Variants in FRK observed in about 807,000 individuals in gnomAD.
FRK encodes tyrosine-protein kinase FRK.
In FRK, 51 loss-of-function variants were observed where a neutral mutation model predicts 56.4. The ratio of observed to expected loss-of-function variants is 0.90; its 90% confidence interval spans 0.72 to 1.14. The LOEUF (loss-of-function observed/expected upper bound fraction) is 1.14. Ranked by LOEUF, FRK falls within the 50% of genes most tolerant of loss-of-function variation. FRK has a pLI of 0.00. For missense variants in FRK, 570 were observed against 601.4 expected, an observed-to-expected ratio of 0.95 and a Z score of 0.55; for synonymous variants, 245 against 217.9, an observed-to-expected ratio of 1.12 and a Z score of -1.10.
intron 5 of FRK, among the ~76,000 whole-genome samples, chr6:115,947,291 G>T (rs980309428): frequency 3.3e-5 from 5 of 150,478 alleles, no homozygotes; most frequent in Non-Finnish European, 5.9e-5. Context: ...AGAGTCAAAA[G>T]AATTTTTTAA....
At position 115,944,498 on chromosome 6, in the gene FRK, T is replaced by C. The variant is rs564039556; in HGVS notation, c.959-73A>G. 11 of 1,198,770 alleles carry C rather than the reference T, an allele frequency of 9.2e-6. No individual in the cohort carries two copies. The African/African-American group carries it at 1.5e-4, about 17-fold the overall frequency. The allele number at this position is 1,198,770 out of a possible 1,614,324, so 74.3% of individuals were successfully genotyped here. ...ACTATGAAAGTGAATTCTGAGAATT[T>C]TGAATGTATGAGCTATCAGTGAGAT... On this transcript the variant is annotated intron_variant, in intron 5 of 7. Transcript: ENST00000606080.
chr6:115,968,591 C>T lies in FRK; in HGVS notation c.615G>A (p.Gly205=). 6.2e-7 allele frequency: 1 copy of T among 1,612,294 alleles called. No homozygotes were observed. Among genetic ancestry groups the T allele is most frequent in the Non-Finnish European group, 8.5e-7 (1 of 1,179,308 alleles). The change falls in exon 3 of 8, where the codon GGG becomes GGA. Residue 205 remains glycine, a synonymous_variant. Coordinates refer to ENST00000606080, the MANE Select transcript of FRK (RefSeq NM_002031.3). ...KTSDGLCVKL[G]KPCLKIQVPA... is the part of the protein sequence containing the mutation. Reference sequence around the variant, plus strand: ...GCATTTTCACCTTTAAGCATGGTTTCCCCAGCTTGACACACAGGCCGTCAC... The same window carrying T: ...GCATTTTCACCTTTAAGCATGGTTTTCCCAGCTTGACACACAGGCCGTCAC...
At chr6:116,087,928 C>T in the FRK span, among the ~76,000 whole-genome samples, 2 of 152,164 alleles carry the variant, frequency 1.3e-5, no homozygotes, top group Non-Finnish European at 2.9e-5. Context: ...TCCTTTGTGC[C>T]CAAGGGCCTT....
chr6:116,002,612 CA>C, intron 2 of FRK: 3 of 428,372 alleles, frequency 7.0e-6, no homozygotes, highest in South Asian at 3.2e-5. Flanking sequence ...CTCAAAAAAA[CA>C]AAAAAATGGT....
chr6:115,954,295 G>C (rs1229893135), intron 5 of FRK, among the ~76,000 whole-genome samples: 1 of 152,228 alleles, frequency 6.6e-6, no homozygotes, highest in African/African-American at 2.4e-5. Flanking sequence ...GCCAGGCCAT[G>C]CAGGACTTCA....
chr6:116,002,579 C>G (rs1582700806), intron 2 of FRK: 1 of 381,294 alleles, frequency 2.6e-6, no homozygotes, highest in African/African-American at 2.1e-5. Context: ...GCACTCCAGC[C>G]TAGCCATAGA....
chr6:116,037,122 TCTAATACCCTAC>T (rs2114777161), intron 1 of FRK, among the ~76,000 whole-genome samples: 1 of 152,298 alleles, frequency 6.6e-6, no homozygotes, highest in East Asian at 1.9e-4. Flanking sequence ...GTTAACTTAC[TCTAATACCCTAC>T]AGAAGCCTTT....
chr6:116,006,265 A>G (rs1341846120), intron 1 of FRK, among the ~76,000 whole-genome samples: 1 of 152,224 alleles, frequency 6.6e-6, no homozygotes, highest in Non-Finnish European at 1.5e-5. Context: ...CAAATAATTA[A>G]TAAAAATGAC....
At chr6:116,013,977 A>G (rs1008830120) in intron 1 of FRK, among the ~76,000 whole-genome samples, 1 of 152,208 alleles carries the variant, frequency 6.6e-6, no homozygotes, top group African/African-American at 2.4e-5. Flanking sequence ...GCTATAGCAC[A>G]CACACACACC....
the FRK span, among the ~76,000 whole-genome samples, chr6:116,099,113 C>T: frequency 1.3e-5 from 2 of 152,180 alleles, no homozygotes; most frequent in African/African-American, 2.4e-5. Flanking sequence ...ACTTGGTTAT[C>T]GACCCAGGGG....
At chr6:115,946,669 A>C (rs1483413713) in intron 5 of FRK, among the ~76,000 whole-genome samples, 2 of 152,182 alleles carry the variant, frequency 1.3e-5, no homozygotes, top group East Asian at 1.9e-4. Context: ...AGTGGGTGAG[A>C]TTGCTAGGAA....
the FRK span, among the ~76,000 whole-genome samples, chr6:116,073,964 T>C: frequency 6.6e-6 from 1 of 152,222 alleles, no homozygotes; most frequent in Non-Finnish European, 1.5e-5. Flanking sequence ...TCCTGTCCTC[T>C]GCCCACCACA....
chr6:116,022,358 T>A (rs1231144982), intron 1 of FRK, among the ~76,000 whole-genome samples: 2 of 152,080 alleles, frequency 1.3e-5, no homozygotes, highest in African/African-American at 2.4e-5. Context: ...TCATAGAGAA[T>A]CATCTTTTTC....
rs745891091 is a variant in FRK, at chr6:115,942,641, C to T, written c.1307-16G>A. ...CCTGTCATACCTTGAAAATACAGAA[C>T]GAAACCAACAACAACAAAAAAAACA... On this transcript the variant is annotated splice_polypyrimidine_tract_variant and intron_variant, in intron 7 of 7. Transcript: ENST00000606080. The T allele has an allele frequency of 1.0e-5, 16 of 1,597,516 alleles. No homozygotes were observed. The highest frequency in any genetic ancestry group is 8.1e-5 in the African/African-American group (6 of 74,400).
chr6:116,008,036 A>G (rs919603285), intron 1 of FRK, among the ~76,000 whole-genome samples: 1 of 152,184 alleles, frequency 6.6e-6, no homozygotes, highest in African/African-American at 2.4e-5. Context: ...TATCTAGCAG[A>G]TTAAGTTCTC....
chr6:116,078,567 T>C, the FRK span, among the ~76,000 whole-genome samples: 650 of 152,358 alleles, frequency 4.3e-3, 7 homozygotes, highest in African/African-American at 0.015. Context: ...AATAAATACC[T>C]TGTTTTGTTA....
chr6:115,958,955 A>T (rs1309806337), intron 4 of FRK, among the ~76,000 whole-genome samples: 2 of 152,168 alleles, frequency 1.3e-5, no homozygotes, highest in African/African-American at 4.8e-5. Context: ...CCCAAATCAG[A>T]CTATGCACAA....
At chr6:116,083,731 T>C in the FRK span, among the ~76,000 whole-genome samples, 1 of 152,076 alleles carries the variant, frequency 6.6e-6, no homozygotes, top group Non-Finnish European at 1.5e-5. Flanking sequence ...CTGCCTATAG[T>C]AACAATCATA....
the FRK span, among the ~76,000 whole-genome samples, chr6:116,082,468 T>C: frequency 6.6e-6 from 1 of 152,102 alleles, no homozygotes; most frequent in Non-Finnish European, 1.5e-5. Flanking sequence ...GTGACTTGGA[T>C]CCAGGTGGTA....
Sources: gnomAD v4.1 joint callset for allele counts (sites outside exome capture counted in the v4.1 genomes callset) on GRCh38, gnomAD v4.1.1 for gene constraint, MANE v1.5 for transcripts, NCBI Gene and HGNC (gene_info 2026-07-23, HGNC 2026-07-21) for gene names.